The following MAGI2 variants were observed in gnomAD, a reference collection of about 807,000 sequenced individuals.
The protein encoded by MAGI2 is membrane-associated guanylate kinase, WW and PDZ domain-containing protein 2.
In MAGI2, 35 loss-of-function variants were observed where a neutral mutation model predicts 133.3. That is an observed-to-expected ratio of 0.26 (90% confidence interval 0.20 to 0.35). The LOEUF (loss-of-function observed/expected upper bound fraction) is 0.35, where lower values mean the gene tolerates loss of function less well. Among genes scored for constraint, MAGI2 ranks in the 10% least tolerant of loss-of-function variants. The probability of loss-of-function intolerance (pLI) is 1.00; values close to 1 mark genes in which losing one functional copy is unlikely to be tolerated. For missense variants in MAGI2, 1,636 were observed against 1,863.4 expected, an observed-to-expected ratio of 0.88 and a Z score of 2.25; for synonymous variants, 729 against 710.6, an observed-to-expected ratio of 1.03 and a Z score of -0.41.
intron 3 of MAGI2, among the ~76,000 whole-genome samples, chr7:78,611,194 A>C (rs1466711618): frequency 6.6e-6 from 1 of 152,178 alleles, no homozygotes; most frequent in African/African-American, 2.4e-5. Context: ...CTGACAAGAG[A>C]GTTCTTAGTC....
chr7:79,002,270 T>A (rs1346296173), intron 2 of MAGI2, among the ~76,000 whole-genome samples: 1 of 151,810 alleles, frequency 6.6e-6, no homozygotes, highest in East Asian at 1.9e-4. Flanking sequence ...TACAGGTGCA[T>A]GCCACCATGC....
At chr7:78,654,189 C>G (rs1266204592) in intron 2 of MAGI2, among the ~76,000 whole-genome samples, 1 of 152,096 alleles carries the variant, frequency 6.6e-6, no homozygotes, top group Non-Finnish European at 1.5e-5. Flanking sequence ...AACCCTGGCT[C>G]TATCACTTAC....
At chr7:78,065,736 C>A in intron 21 of MAGI2, 3 of 549,088 alleles carry the variant, frequency 5.5e-6, no homozygotes, top group Non-Finnish European at 9.6e-6. Context: ...TATATTATTA[C>A]TGTTAGAATC....
intron 1 of MAGI2, among the ~76,000 whole-genome samples, chr7:79,151,262 T>G (rs1315681633): frequency 6.6e-6 from 1 of 152,188 alleles, no homozygotes; most frequent in Non-Finnish European, 1.5e-5. Flanking sequence ...TGAAACCTAC[T>G]AAATTGTTTT....
At chr7:79,218,726 T>C (rs1210707426) in intron 1 of MAGI2, among the ~76,000 whole-genome samples, 2 of 152,114 alleles carry the variant, frequency 1.3e-5, no homozygotes, top group East Asian at 1.9e-4. Context: ...CTTTCTTGAA[T>C]GCTACTTGTC....
At chr7:78,474,881 G>C (rs1180460688) in intron 6 of MAGI2, among the ~76,000 whole-genome samples, 1 of 151,576 alleles carries the variant, frequency 6.6e-6, no homozygotes, top group Non-Finnish European at 1.5e-5. Context: ...CAATTCAAAG[G>C]AGAATACTCT....
chr7:78,939,272 G>C (rs893368931), intron 2 of MAGI2, among the ~76,000 whole-genome samples: 4 of 152,164 alleles, frequency 2.6e-5, no homozygotes, highest in Non-Finnish European at 2.9e-5. Context: ...GGGATTACAG[G>C]TGTGAGCCAC....
At chr7:78,038,099 C>T (rs144101377) in intron 21 of MAGI2, among the ~76,000 whole-genome samples, 7 of 152,214 alleles carry the variant, frequency 4.6e-5, no homozygotes, top group African/African-American at 1.4e-4. Context: ...AATTTGTGTT[C>T]GCTCTTTTTT....
chr7:79,341,069 G>A (rs1220329522), intron 1 of MAGI2, among the ~76,000 whole-genome samples: 1 of 152,172 alleles, frequency 6.6e-6, no homozygotes, highest in African/African-American at 2.4e-5. Context: ...CAGGACTCTA[G>A]TGGAAAGATC....
At chr7:78,173,102 G>A (rs185963880) in intron 14 of MAGI2, among the ~76,000 whole-genome samples, 1 of 152,294 alleles carries the variant, frequency 6.6e-6, no homozygotes, top group East Asian at 1.9e-4. Context: ...TGTAATCTGA[G>A]GAGGCTTATC....
intron 3 of MAGI2, among the ~76,000 whole-genome samples, chr7:78,589,392 G>C (rs755226661): frequency 6.6e-6 from 1 of 152,206 alleles, no homozygotes; most frequent in Non-Finnish European, 1.5e-5. Flanking sequence ...TGGTTGATAA[G>C]TGATGGATTT....
Position 79,106,177 on chromosome 7 carries a change from T to C in MAGI2, c.302-98971A>G, listed in dbSNP as rs184056896. ...AATTGGATGAATCTCAAATGTATTATGCCAAGTGAAAGAAGCCAGACTCAA... is the reference window on the plus strand; with the variant it reads ...AATTGGATGAATCTCAAATGTATTACGCCAAGTGAAAGAAGCCAGACTCAA... On this transcript the variant is annotated intron_variant, in intron 1 of 21. Coordinates refer to ENST00000354212, the MANE Select transcript of MAGI2 (RefSeq NM_012301.4). Among the ~76,000 whole-genome samples, 113 of 152,294 alleles carry C rather than the reference T, an allele frequency of 7.4e-4. 2 individuals are homozygous for C. Among genetic ancestry groups the C allele is most frequent in the African/African-American group, 2.5e-3 (105 of 41,576 alleles).
chr7:79,069,364 T>G (rs1274284303), intron 1 of MAGI2, among the ~76,000 whole-genome samples: 2 of 152,228 alleles, frequency 1.3e-5, no homozygotes, highest in African/African-American at 4.8e-5. Flanking sequence ...TTCCCTTCTT[T>G]GTCTCTTGGA....
chr7:79,146,339 A>C (rs1217895206), intron 1 of MAGI2, among the ~76,000 whole-genome samples: 2 of 152,108 alleles, frequency 1.3e-5, no homozygotes, highest in African/African-American at 4.8e-5. Context: ...TCACGAGTTC[A>C]TGTGTTGAAA....
intron 1 of MAGI2, among the ~76,000 whole-genome samples, chr7:79,116,867 C>T (rs1344375782): frequency 6.6e-6 from 1 of 152,194 alleles, no homozygotes; most frequent in Non-Finnish European, 1.5e-5. Context: ...TGATTGTAAG[C>T]TTCCTGAGGC....
chr7:79,125,733 G>A (rs999740134), intron 1 of MAGI2: 2 of 522,886 alleles, frequency 3.8e-6, no homozygotes, highest in Non-Finnish European at 7.6e-6. Flanking sequence ...TGATGGCCAA[G>A]GCCAATACTT....
intron 3 of MAGI2, among the ~76,000 whole-genome samples, chr7:78,544,007 C>T (rs1479578020): frequency 1.3e-5 from 2 of 152,170 alleles, no homozygotes; most frequent in African/African-American, 4.8e-5. Flanking sequence ...CAACCAATAA[C>T]CCAAGTGTGA....
intron 6 of MAGI2, among the ~76,000 whole-genome samples, chr7:78,375,508 G>C (rs1275715678): frequency 6.6e-6 from 1 of 151,964 alleles, no homozygotes; most frequent in African/African-American, 2.4e-5. Context: ...AGATATCAGA[G>C]ACAGAAGCAG....
intron 2 of MAGI2, among the ~76,000 whole-genome samples, chr7:78,877,214 C>T (rs185365484): frequency 1.1e-4 from 16 of 152,286 alleles, no homozygotes; most frequent in Admixed American, 2.6e-4. Flanking sequence ...TTCTTCATTG[C>T]TCCAAGCTAA....
Sources: gnomAD v4.1 joint callset for allele counts (sites outside exome capture counted in the v4.1 genomes callset) on GRCh38, gnomAD v4.1.1 for gene constraint, MANE v1.5 for transcripts, NCBI Gene and HGNC (gene_info 2026-07-23, HGNC 2026-07-21) for gene names.